HOXA1: variants seen among roughly 807,000 people sequenced by gnomAD.
HOXA1 encodes homeobox A1, also known as homeobox protein Hox-A1.
HOXA1 carries 21 observed loss-of-function variants against 28.3 expected under a neutral mutation model. That is an observed-to-expected ratio of 0.74 (90% CI 0.53 to 1.07). The LOEUF is 1.07. Ranked by LOEUF, HOXA1 falls within the 50% of genes least tolerant of loss-of-function variation. The pLI is 0.00. For synonymous variants in HOXA1, 208 were observed against 181.2 expected, an observed-to-expected ratio of 1.15 and a Z score of -1.19; for missense variants, 446 against 434.3, an observed-to-expected ratio of 1.03 and a Z score of -0.24.
In HOXA1 at chr7:27,093,537, C is replaced by T. The variant is rs1783748885; in HGVS notation, c.*903G>A. The stretch of plus-strand genomic sequence containing the variant: ...TAACACAAAATATACATTCATTGTG[C>T]CATCCATCACATTAACAATTGAGCT... On this transcript the variant is annotated 3_prime_UTR_variant, in exon 2 of 2. Coordinates refer to ENST00000643460, the MANE Select transcript of HOXA1 (RefSeq NM_005522.5). The T allele has an allele frequency of 6.6e-6, 1 of 152,614 alleles. No individual in the cohort carries two copies. The allele number at this position is 152,614 out of a possible 1,614,324, so 9.5% of individuals were successfully genotyped here.
rs1783758389 is a variant in HOXA1, at chr7:27,094,081, T to TA, written c.*358dup. On this transcript the variant is annotated 3_prime_UTR_variant, in exon 2 of 2. Transcript: ENST00000643460. ...GGGAGGGGAGAGCTGTACATATAGT[T>TA]AGATAAAAGATGAGAAGATTCCTTC... is the stretch of plus-strand genomic sequence containing the variant. 3.3e-6 allele frequency: 1 copy of TA among 300,478 alleles called. No individual in the cohort carries two copies. The highest frequency in any genetic ancestry group is 6.5e-6 in the Non-Finnish European group (1 of 154,950). 18.6% of individuals were successfully genotyped at this position (300,478 alleles called of 1,614,324 possible). A position where few individuals can be genotyped will look rare whatever the true frequency, so the allele number is the denominator to read the frequency against.
chr7:27,095,641 G>C lies in HOXA1; in HGVS notation c.272C>G (p.Ser91Cys), dbSNP rs1783803450. Reference sequence around the variant, plus strand: ...ATAGCTTGGACCACAACTTGAGTGGGAGTAGGACACCCCCAGGTTCCCGGA... The same window carrying C: ...ATAGCTTGGACCACAACTTGAGTGGCAGTAGGACACCCCCAGGTTCCCGGA... The part of the protein sequence containing the change: ...QTSGNLGVSY[S>C]HSSCGPSYGS... The change falls in exon 1 of 2, where the codon TCC becomes TGC. Residue 91 changes from serine to cysteine, a missense_variant. Physicochemically the swap from Ser to Cys is moderately radical, Grantham distance 112. Transcript: ENST00000643460. 2 of 1,614,130 alleles carry C rather than the reference G, an allele frequency of 1.2e-6. No homozygotes were observed. The highest frequency in any genetic ancestry group is 1.7e-5 in the Admixed American group (1 of 60,036).
At position 27,095,834 on chromosome 7, in the gene HOXA1, C is replaced by T. The variant is rs150376380; in HGVS notation, c.79G>A (p.Ala27Thr). Reference protein sequence around the residue: ...SGDSGTCSARAYPSDHRITTF... With the variant: ...SGDSGTCSARTYPSDHRITTF... The stretch of plus-strand genomic sequence containing the variant: ...GTAATCCTATGGTCCGAGGGGTAGG[C>T]TCGGGCTGAGCAGGTCCCCGAGTCG... Residue 27 changes from alanine (A) to threonine (T), a missense_variant, in exon 1 of 2, where the codon GCC (alanine) becomes ACC (threonine). By Grantham distance (58) the Ala-to-Thr change is moderately conservative (BLOSUM62 0). Transcript: ENST00000643460. 2 of 1,614,036 alleles carry T rather than the reference C, an allele frequency of 1.2e-6. No homozygotes were observed. Among genetic ancestry groups the T allele is most frequent in the Non-Finnish European group, 1.7e-6 (2 of 1,180,014 alleles).
In HOXA1 at chr7:27,093,045, G is replaced by C. The variant is rs1783742137; in HGVS notation, c.*1395C>G. 1 of 152,586 alleles carries C rather than the reference G, an allele frequency of 6.6e-6. No homozygotes were observed. Among genetic ancestry groups the C allele is most frequent in the African/African-American group, 2.4e-5 (1 of 41,422 alleles). The allele number at this position is 152,586 out of a possible 1,614,324, so 9.5% of individuals were successfully genotyped here. On this transcript the variant is annotated 3_prime_UTR_variant, in exon 2 of 2. Coordinates refer to ENST00000643460, the MANE Select transcript of HOXA1 (RefSeq NM_005522.5). Reference sequence around the variant, plus strand: ...ATATATACGTCAACATCCAGTTGGAGGTGAAAAGGTTAGCACTTGACCCAG... The same window carrying C: ...ATATATACGTCAACATCCAGTTGGACGTGAAAAGGTTAGCACTTGACCCAG...
Position 27,095,719 on chromosome 7 carries a change from T to G in HOXA1, c.194A>C (p.His65Pro), listed in dbSNP as rs146782650. ...GCGATGGTGGTGGTGGTGGTGGTGG[T>G]GGGGCGAACCGATCTGCACCCCCCT... ...VGRGVQIGSP[H>P]HHHHHHHRHP... The change falls in exon 1 of 2, where the codon CAC becomes CCC. Residue 65 changes from histidine to proline, a missense_variant. His to Pro is a moderately conservative substitution (Grantham distance 77). Transcript: ENST00000643460. The G allele has an allele frequency of 5.1e-4, 817 of 1,604,488 alleles. No homozygotes were observed. The highest frequency in any genetic ancestry group is 5.9e-4 in the Non-Finnish European group (695 of 1,173,350).
chr7:27,095,252 A>G lies in HOXA1; in HGVS notation c.652+9T>C. 6.2e-7 allele frequency: 1 copy of G among 1,613,972 alleles called. No homozygotes were observed. The highest frequency in any genetic ancestry group is 1.7e-4 in the Middle Eastern group (1 of 6,044). ...AATCAAGGAGCATCCACCAACCAGC[A>G]GGACTGACCTGTTTTGGGAGGGTTT... is the stretch of plus-strand genomic sequence containing the variant. On this transcript the variant is annotated intron_variant, in intron 1 of 1. Transcript: ENST00000643460.
rs1247194856 is a variant in HOXA1, at chr7:27,093,254, A to T, written c.*1186T>A. The T allele has an allele frequency of 1.3e-5, 2 of 152,638 alleles. No individual in the cohort carries two copies. Among genetic ancestry groups the T allele is most frequent in the East Asian group, 1.9e-4 (1 of 5,204 alleles). 9.5% of individuals were successfully genotyped at this position (152,638 alleles called of 1,614,324 possible). On this transcript the variant is annotated 3_prime_UTR_variant, in exon 2 of 2. Coordinates refer to ENST00000643460, the MANE Select transcript of HOXA1 (RefSeq NM_005522.5). ...TCCCCTCATGAAATGTGCCAACTTC[A>T]TAGGAATTAACAAATTGTAGCCCAG...
At chr7:27,095,223 G>T (rs774113767) in intron 1 of HOXA1, 38 bp downstream of exon 1, 1 of 1,598,666 alleles carries the variant, frequency 6.3e-7, no homozygotes, top group South Asian at 1.1e-5. Flanking sequence ...GCTCCTTCCA[G>T]AATAATCAAG....
In HOXA1 at chr7:27,093,011, G is replaced by A. The variant is rs1783741247; in HGVS notation, c.*1429C>T. On this transcript the variant is annotated 3_prime_UTR_variant, in exon 2 of 2. Transcript: ENST00000643460. ...AAGACAGTTTTGGCTTTTGAAGGGA[G>A]TTCTGTTTATATATACGTCAACATC... 1 of 152,626 alleles carries A rather than the reference G, an allele frequency of 6.6e-6. No homozygotes were observed. The highest frequency in any genetic ancestry group is 1.5e-5 in the Non-Finnish European group (1 of 68,044). The allele number at this position is 152,626 out of a possible 1,614,324, so 9.5% of individuals were successfully genotyped here. A position where few individuals can be genotyped will look rare whatever the true frequency, so the allele number is the denominator to read the frequency against.
rs1379182947 is a variant in HOXA1 at position 27,095,723 on chromosome 7, G to A, written c.190C>T (p.Pro64Ser). The A allele has an allele frequency of 2.5e-6, 4 of 1,613,682 alleles. No individual in the cohort carries two copies. Among genetic ancestry groups the A allele is most frequent in the African/African-American group, 1.3e-5 (1 of 74,980 alleles). Residue 64 changes from proline (P) to serine (S), a missense_variant, in exon 1 of 2, where the codon CCC (proline) becomes TCC (serine). By Grantham distance (74) the Pro-to-Ser change is moderately conservative. Transcript: ENST00000643460. The stretch of plus-strand genomic sequence containing the variant: ...TGGTGGTGGTGGTGGTGGTGGTGGG[G>A]CGAACCGATCTGCACCCCCCTGCCC... ...LVGRGVQIGS[P>S]HHHHHHHHRH...
Position 27,095,297 on chromosome 7 carries a change from C to A in HOXA1, c.616G>T (p.Asp206Tyr). ...GGGTTTCTTTTGACTTTCATCCAGT[C>A]AAAAGTCTGCGCTGGAGAAGATGTC... ...SETSSPAQTF[D>Y]WMKVKRNPPK... Residue 206 changes from aspartate (D) to tyrosine (Y), a missense_variant, in exon 1 of 2, where the codon GAC (aspartate) becomes TAC (tyrosine). Physicochemically the swap from Asp to Tyr is radical, Grantham distance 160. Transcript: ENST00000643460. 6.2e-7 allele frequency: 1 copy of A among 1,614,050 alleles called. No homozygotes were observed. Among genetic ancestry groups the A allele is most frequent in the South Asian group, 1.1e-5 (1 of 91,050 alleles).
At position 27,093,354 on chromosome 7, in the gene HOXA1, ACTCTGCTCTGGATCATAT is replaced by A. The variant is rs1783745980; in HGVS notation, c.*1068_*1085del. On this transcript the variant is annotated 3_prime_UTR_variant, in exon 2 of 2. Coordinates refer to ENST00000643460, the MANE Select transcript of HOXA1 (RefSeq NM_005522.5). ...ATTACAGACATCCTAAGACCCGTAA[ACTCTGCTCTGGATCATAT>A]CACTCCAGGATCTCAGAGCTGTTCA... 6.6e-6 allele frequency: 1 copy of A among 152,562 alleles called. No homozygotes were observed. The highest frequency in any genetic ancestry group is 1.5e-5 in the Non-Finnish European group (1 of 68,018). The allele number at this position is 152,562 out of a possible 1,614,324, so 9.5% of individuals were successfully genotyped here.
rs1583401941 is a variant in HOXA1, at chr7:27,093,061, C to T, written c.*1379G>A. On this transcript the variant is annotated 3_prime_UTR_variant, in exon 2 of 2. Transcript: ENST00000643460. ...CCAGTTGGAGGTGAAAAGGTTAGCA[C>T]TTGACCCAGGAAGTATCCATGTTTG... is the stretch of plus-strand genomic sequence containing the variant. 6.6e-6 allele frequency: 1 copy of T among 152,628 alleles called. No homozygotes were observed. The highest frequency in any genetic ancestry group is 1.5e-5 in the Non-Finnish European group (1 of 68,024). The allele number at this position is 152,628 out of a possible 1,614,324, so 9.5% of individuals were successfully genotyped here.
rs754599509 is a variant in HOXA1 at position 27,095,746 on chromosome 7, C to A, written c.167G>T (p.Gly56Val). Residue 56 changes from glycine to valine, a missense_variant, in exon 1 of 2, where the codon GGC becomes GTC. Coordinates refer to ENST00000643460, the MANE Select transcript of HOXA1 (RefSeq NM_005522.5). ...GGGCGAACCGATCTGCACCCCCCTG[C>A]CCACTAGGAAGCGGTCGTCGCCGCC... ...SCGGDDRFLVGRGVQIGSPHH... is the reference protein window; with the variant it reads ...SCGGDDRFLVVRGVQIGSPHH... The A allele has an allele frequency of 6.2e-7, 1 of 1,613,258 alleles. No individual in the cohort carries two copies.
rs1308667086 is a variant in HOXA1, at chr7:27,094,561, G to A, written c.887C>T (p.Ser296Phe). Residue 296 changes from serine (S) to phenylalanine (F), a missense_variant, in exon 2 of 2, where the codon TCT becomes TTT. Ser to Phe is a radical substitution (Grantham distance 155, BLOSUM62 -2). Coordinates refer to ENST00000643460, the MANE Select transcript of HOXA1 (RefSeq NM_005522.5). ...KREKEGLLPI[S>F]PATPPGNDEK... ...GTCGTTTCCTGGCGGGGTGGCCGGAGAGATGGGCAAGAGACCCTCCTTCTC... is the reference window on the plus strand; with the variant it reads ...GTCGTTTCCTGGCGGGGTGGCCGGAAAGATGGGCAAGAGACCCTCCTTCTC... 1.2e-6 allele frequency: 2 copies of A among 1,614,086 alleles called. No homozygotes were observed. Among genetic ancestry groups the A allele is most frequent in the African/African-American group, 1.3e-5 (1 of 74,932 alleles).
chr7:27,095,289 C>A lies in HOXA1; in HGVS notation c.624G>T (p.Met208Ile). 6.2e-7 allele frequency: 1 copy of A among 1,614,168 alleles called. No individual in the cohort carries two copies. Among genetic ancestry groups the A allele is most frequent in the South Asian group, 1.1e-5 (1 of 91,072 alleles). ...TSSPAQTFDW[M>I]KVKRNPPKTG... is the part of the protein sequence containing the mutation. ...TTTTGGGAGGGTTTCTTTTGACTTT[C>A]ATCCAGTCAAAAGTCTGCGCTGGAG... Residue 208 changes from methionine to isoleucine, a missense_variant, in exon 1 of 2, where the codon ATG (methionine) becomes ATT (isoleucine). Met to Ile is a conservative substitution (Grantham distance 10, BLOSUM62 1). Transcript: ENST00000643460.
At position 27,095,652 on chromosome 7, in the gene HOXA1, C is replaced by A; in HGVS notation, c.261G>T (p.Gly87=). ...CACAACTTGAGTGGGAGTAGGACAC[C>A]CCCAGGTTCCCGGAAGTCTGGTAGG... ...PATYQTSGNL[G]VSYSHSSCGP... Residue 87 remains glycine, a synonymous_variant, in exon 1 of 2, where the codon GGG becomes GGT. Transcript: ENST00000643460. The A allele has an allele frequency of 6.2e-7, 1 of 1,614,036 alleles. No homozygotes were observed. Among genetic ancestry groups the A allele is most frequent in the Non-Finnish European group, 8.5e-7 (1 of 1,180,008 alleles).
chr7:27,095,438 A>G lies in HOXA1; in HGVS notation c.475T>C (p.Tyr159His). Residue 159 changes from tyrosine (Y) to histidine (H), a missense_variant, in exon 1 of 2, where the codon TAC becomes CAC. By Grantham distance (83) the Tyr-to-His change is moderately conservative. Coordinates refer to ENST00000643460, the MANE Select transcript of HOXA1 (RefSeq NM_005522.5). ...YAGGAVGSPQ[Y>H]IHHSYGQEHQ... is the part of the protein sequence containing the mutation. ...TCCTGTCCATATGAGTGGTGAATGT[A>G]TTGAGGCGAGCCCACCGCGCCCCCA... The G allele has an allele frequency of 6.2e-7, 1 of 1,614,072 alleles. No individual in the cohort carries two copies. The highest frequency in any genetic ancestry group is 1.3e-5 in the African/African-American group (1 of 75,002).
chr7:27,094,885 T>A, intron 1 of HOXA1, 90 bp from the exon 2 acceptor site: 1 of 973,902 alleles, frequency 1.0e-6, no homozygotes, highest in Non-Finnish European at 1.6e-6. Context: ...AACACTCAGG[T>A]AAAGAAAAGA....
Sources: allele counts gnomAD v4.1 joint callset, GRCh38; gene constraint gnomAD v4.1.1; transcripts MANE v1.5; gene names NCBI Gene and HGNC (gene_info 2026-07-23, HGNC 2026-07-21).